Variants in ASPH observed in about 807,000 individuals in gnomAD.
ASPH encodes the protein aspartyl/asparaginyl beta-hydroxylase.
A neutral mutation model predicts 118.4 loss-of-function variants in ASPH; 100 were observed. That is an observed-to-expected ratio of 0.84 (90% confidence interval 0.72 to 1.00). The LOEUF is 1.00. Among genes scored for constraint, ASPH ranks in the 50% least tolerant of loss-of-function variants. The pLI, the probability that ASPH is intolerant of heterozygous loss-of-function variation, is 0.00. For synonymous variants in ASPH, 315 were observed against 325.6 expected (o/e 0.97, Z 0.35); for missense variants, 920 against 919.5 (o/e 1.00, Z -0.01).
chr8:61,545,893 G>A (rs1180001661), intron 21 of ASPH, among the ~76,000 whole-genome samples: 1 of 152,122 alleles, frequency 6.6e-6, no homozygotes. Context: ...ACTTAAATTG[G>A]CTCAATAAGA....
chr8:61,603,452 T>C (rs1202806571), intron 14 of ASPH, among the ~76,000 whole-genome samples: 1 of 152,092 alleles, frequency 6.6e-6, no homozygotes, highest in Non-Finnish European at 1.5e-5. Flanking sequence ...CATTAAGAAA[T>C]ACTGAATAGG....
chr8:61,680,310 G>T (rs1011443192), intron 3 of ASPH, among the ~76,000 whole-genome samples: 1 of 151,718 alleles, frequency 6.6e-6, no homozygotes, highest in Non-Finnish European at 1.5e-5. Context: ...TATAAAATTT[G>T]CATATTGAAA....
chr8:61,666,855 AGT>A (rs986043279), intron 3 of ASPH, among the ~76,000 whole-genome samples: 11 of 152,230 alleles, frequency 7.2e-5, no homozygotes, highest in Admixed American at 3.3e-4. Context: ...GCATTGCAAA[AGT>A]GTAAAATGGA....
intron 12 of ASPH, among the ~76,000 whole-genome samples, chr8:61,637,420 C>G (rs1479513331): frequency 6.6e-6 from 1 of 152,126 alleles, no homozygotes; most frequent in Non-Finnish European, 1.5e-5. Flanking sequence ...TGTGAAATAA[C>G]TGTAAAATGC....
intron 21 of ASPH, among the ~76,000 whole-genome samples, chr8:61,542,155 T>C (rs1417795808): frequency 6.6e-6 from 1 of 152,214 alleles, no homozygotes; most frequent in African/African-American, 2.4e-5. Context: ...CTGAATTGGA[T>C]CACTTTTTAA....
In ASPH at chr8:61,714,435, C is replaced by A. The variant is rs1388126308; in HGVS notation, c.-64G>T. 57 of 1,367,652 alleles carry A rather than the reference C, an allele frequency of 4.2e-5. No individual in the cohort carries two copies. The highest frequency in any genetic ancestry group is 5.1e-5 in the Non-Finnish European group (54 of 1,058,788). The allele number at this position is 1,367,652 out of a possible 1,614,324, so 84.7% of individuals were successfully genotyped here. ...CCTTCAGTGCGCGGGGGTACACACG[C>A]GACGCGGGAACCGCTGGCGGCGGCG... is the stretch of plus-strand genomic sequence containing the variant. On this transcript the variant is annotated 5_prime_UTR_variant, in exon 1 of 25. Transcript: ENST00000379454.
chr8:61,579,457 C>T (rs1267770068), intron 15 of ASPH: 57 of 1,607,732 alleles, frequency 3.5e-5, no homozygotes, highest in East Asian at 6.7e-5. Flanking sequence ...AGTATTCATA[C>T]GAAGACCACC....
intron 21 of ASPH, among the ~76,000 whole-genome samples, chr8:61,533,101 CTTCT>C (rs1586660986): frequency 1.3e-5 from 2 of 149,442 alleles, no homozygotes; most frequent in African/African-American, 5.0e-5. Flanking sequence ...TTCATTTCTT[CTTCT>C]TTTTTTTTTT....
At chr8:61,520,469 G>T (rs569532610) in intron 22 of ASPH, among the ~76,000 whole-genome samples, 1 of 152,110 alleles carries the variant, frequency 6.6e-6, no homozygotes, top group African/African-American at 2.4e-5. Context: ...CAACTAAAAG[G>T]TATTCACCCC....
chr8:61,541,900 A>G (rs1437346074), intron 21 of ASPH, among the ~76,000 whole-genome samples: 1 of 152,240 alleles, frequency 6.6e-6, no homozygotes, highest in Non-Finnish European at 1.5e-5. Flanking sequence ...TTAATAAAAT[A>G]CTTGATATCA....
chr8:61,684,437 A>G, intron 1 of ASPH: 1 of 403,652 alleles, frequency 2.5e-6, no homozygotes, highest in Non-Finnish European at 4.4e-6. Flanking sequence ...ATTTAGTATA[A>G]TATGTATATT....
intron 16 of ASPH, among the ~76,000 whole-genome samples, chr8:61,575,683 T>G (rs1452464476): frequency 6.6e-6 from 1 of 152,170 alleles, no homozygotes; most frequent in Non-Finnish European, 1.5e-5. Context: ...ATTTTTAAAT[T>G]TTCTGTATAT....
At chr8:61,682,412 A>G in intron 2 of ASPH, 3 of 1,604,986 alleles carry the variant, frequency 1.9e-6, no homozygotes, top group Non-Finnish European at 2.6e-6. Flanking sequence ...ACACACGTAG[A>G]CTTGAAATGC....
At chr8:61,664,629 A>G in intron 3 of ASPH, 12 of 986,244 alleles carry the variant, frequency 1.2e-5, no homozygotes, top group Non-Finnish European at 1.4e-5. Context: ...GAAGGAAAGG[A>G]GAGAGTAAAA....
chr8:61,690,313 C>CA (rs1305369785), intron 1 of ASPH, among the ~76,000 whole-genome samples: 1 of 151,934 alleles, frequency 6.6e-6, no homozygotes. Context: ...CCTCCAACAG[C>CA]AAAAATAAAG....
At position 61,565,518 on chromosome 8, in the gene ASPH, T is replaced by C. The variant is rs555415733; in HGVS notation, c.1300+1650A>G. On this transcript the variant is annotated intron_variant, in intron 17 of 24. Coordinates refer to ENST00000379454, the MANE Select transcript of ASPH (RefSeq NM_004318.4). ...AAGAGAGCTAGCAGAGATTTGTTCA[T>C]GAAATTTAAGGGAAGAAAACATCTC... Among the ~76,000 whole-genome samples the C allele has an allele frequency of 2.6e-5, 4 of 152,296 alleles. No individual in the cohort carries two copies. The East Asian group carries it at 5.8e-4, about 22-fold the overall frequency.
At chr8:61,669,558 G>A (rs1821372690) in intron 3 of ASPH, among the ~76,000 whole-genome samples, 1 of 152,072 alleles carries the variant, frequency 6.6e-6, no homozygotes, top group East Asian at 1.9e-4. Context: ...CAGCAATAAT[G>A]AGTGCTATTT....
At chr8:61,705,487 C>T (rs796746369) in intron 1 of ASPH, among the ~76,000 whole-genome samples, 6 of 152,076 alleles carry the variant, frequency 3.9e-5, no homozygotes, top group African/African-American at 9.6e-5. Flanking sequence ...ACAACATAAA[C>T]GAACTAAAAA....
intron 17 of ASPH, among the ~76,000 whole-genome samples, chr8:61,564,018 C>CA (rs1051859046): frequency 5.3e-5 from 8 of 152,142 alleles, no homozygotes; most frequent in African/African-American, 1.9e-4. Flanking sequence ...GGACTACATT[C>CA]AAATGCTGAT....
Sources: allele counts gnomAD v4.1 joint callset (sites outside exome capture counted in the v4.1 genomes callset), GRCh38; gene constraint gnomAD v4.1.1; transcripts MANE v1.5; gene names NCBI Gene and HGNC (gene_info 2026-07-23, HGNC 2026-07-21).